Variants in VPS41 observed in about 807,000 individuals in gnomAD.
VPS41 encodes the protein vacuolar protein sorting-associated protein 41 homolog.
In VPS41, 85 loss-of-function variants were observed where a neutral mutation model predicts 130.9. The observed-to-expected ratio is 0.65, with a 90% confidence interval of 0.55 to 0.78. The LOEUF is 0.78. VPS41 is among the 30% of genes least tolerant of loss of function. The pLI, the probability that VPS41 is intolerant of heterozygous loss-of-function variation, is 0.00. For missense variants in VPS41, 874 were observed against 1,018.7 expected (o/e 0.86, Z 1.93); for synonymous variants, 335 against 332.9 (o/e 1.01, Z -0.07).
At chr7:38,884,281 G>A (rs929283641) in intron 2 of VPS41, among the ~76,000 whole-genome samples, 2 of 152,050 alleles carry the variant, frequency 1.3e-5, no homozygotes, top group African/African-American at 2.4e-5. Flanking sequence ...CCTAGAAATT[G>A]CATTTCATTT....
At chr7:38,765,545 C>G in intron 16 of VPS41, 35 bp downstream of exon 16, 1 of 1,389,008 alleles carries the variant, frequency 7.2e-7, no homozygotes, top group Non-Finnish European at 1.0e-6. Context: ...ATACTACTTG[C>G]AGAAACTGAG....
At position 38,758,164 on chromosome 7, in the gene VPS41, T is replaced by C. The variant is rs567721527; in HGVS notation, c.1550+190A>G. Among the ~76,000 whole-genome samples, 189 of 152,284 alleles carry C rather than the reference T, an allele frequency of 1.2e-3. 2 individuals carry two copies. Among genetic ancestry groups the C allele is most frequent in the Admixed American group, 2.3e-3 (35 of 15,300 alleles). On this transcript the variant is annotated intron_variant, in intron 18 of 28. Coordinates refer to ENST00000310301, the MANE Select transcript of VPS41 (RefSeq NM_014396.4). ...CTCTTCTCTGGGAAACAGATTACAT[T>C]GCAATTGTACAGTTTCACACATGTC...
At chr7:38,763,001 A>G (rs1783953774) in intron 17 of VPS41, among the ~76,000 whole-genome samples, 1 of 152,204 alleles carries the variant, frequency 6.6e-6, no homozygotes, top group African/African-American at 2.4e-5. Flanking sequence ...CTGTAACAGA[A>G]TCATAAAAAC....
At chr7:38,748,516 G>A (rs567333898) in intron 22 of VPS41, among the ~76,000 whole-genome samples, 8 of 150,604 alleles carry the variant, frequency 5.3e-5, no homozygotes, top group African/African-American at 1.7e-4. Flanking sequence ...TTATTCTTCC[G>A]AATTCAGAAA....
intron 7 of VPS41, among the ~76,000 whole-genome samples, chr7:38,797,846 C>T (rs903122540): frequency 1.3e-5 from 2 of 152,172 alleles, no homozygotes; most frequent in Non-Finnish European, 2.9e-5. Flanking sequence ...TAGACTAATA[C>T]AGGCAGAGGA....
intron 1 of VPS41, among the ~76,000 whole-genome samples, chr7:38,904,088 C>G (rs566166303): frequency 1.3e-5 from 2 of 152,066 alleles, no homozygotes; most frequent in African/African-American, 4.8e-5. Context: ...GAATCACAAG[C>G]CATTTTTAAC....
At chr7:38,849,536 C>T (rs756207844) in intron 4 of VPS41, among the ~76,000 whole-genome samples, 2 of 152,158 alleles carry the variant, frequency 1.3e-5, no homozygotes, top group East Asian at 1.9e-4. Flanking sequence ...GAAGTCTGGC[C>T]GCTCAGTAGC....
intron 7 of VPS41, among the ~76,000 whole-genome samples, chr7:38,805,014 G>T (rs1784811616): frequency 6.6e-6 from 1 of 152,214 alleles, no homozygotes; most frequent in African/African-American, 2.4e-5. Flanking sequence ...TCAGGGTAGA[G>T]ATAACAGAAA....
intron 7 of VPS41, 101 bp from the exon 8 acceptor site, chr7:38,796,965 C>T (rs1403725024): frequency 7.2e-7 from 1 of 1,386,648 alleles, no homozygotes; most frequent in African/African-American, 1.4e-5. Context: ...AAATAACAAA[C>T]AAGTCACTCT....
In VPS41 at chr7:38,896,574, A is replaced by G. The variant is rs1017105116; in HGVS notation, c.60+1517T>C. 3.9e-5 allele frequency among the ~76,000 whole-genome samples: 6 copies of G among 152,308 alleles called. No individual in the cohort carries two copies. In the South Asian group the frequency reaches 6.2e-4, roughly 16 times the overall value. ...TGCAATTTTTTTTAGCTCATCAGCTATTGTTAGTGTATTTTATGTGTGGCC... is the reference window on the plus strand; with the variant it reads ...TGCAATTTTTTTTAGCTCATCAGCTGTTGTTAGTGTATTTTATGTGTGGCC... On this transcript the variant is annotated intron_variant, in intron 2 of 28. Coordinates refer to ENST00000310301, the MANE Select transcript of VPS41 (RefSeq NM_014396.4).
At chr7:38,760,323 G>A (rs1783885111) in intron 17 of VPS41, among the ~76,000 whole-genome samples, 1 of 152,142 alleles carries the variant, frequency 6.6e-6, no homozygotes, top group Admixed American at 6.5e-5. Context: ...TAAGCCAAAG[G>A]GAAAGTTAAG....
At chr7:38,807,394 C>T (rs76103266) in intron 7 of VPS41, among the ~76,000 whole-genome samples, 3,247 of 152,188 alleles carry the variant, frequency 0.021, 46 homozygotes, top group African/African-American at 0.043. Context: ...AAAAGGAAAA[C>T]AAACAAACCA....
At chr7:38,771,296 C>T (rs1409119750) in intron 13 of VPS41, 42 bp from the exon 14 acceptor site, 1 of 1,075,238 alleles carries the variant, frequency 9.3e-7, no homozygotes. Flanking sequence ...AAAAAAAAAG[C>T]AGAAAAGGAG....
chr7:38,857,509 A>G (rs988675465), intron 4 of VPS41, among the ~76,000 whole-genome samples: 4 of 152,248 alleles, frequency 2.6e-5, no homozygotes, highest in African/African-American at 9.6e-5. Flanking sequence ...AATATTTAAC[A>G]GAGACATGGC....
At chr7:38,788,910 CAT>C (rs1199888687) in intron 10 of VPS41, among the ~76,000 whole-genome samples, 6 of 152,190 alleles carry the variant, frequency 3.9e-5, no homozygotes, top group African/African-American at 1.4e-4. Flanking sequence ...GAAATACAAT[CAT>C]GTGCAAATAA....
chr7:38,796,416 T>C lies in VPS41; in HGVS notation c.570+329A>G, dbSNP rs1179090813. ...TGTTTCATATCAACTCTTACTTGCC[T>C]TTGGCCAACAGGCAAATGATATTTT... is the stretch of plus-strand genomic sequence containing the variant. On this transcript the variant is annotated intron_variant, in intron 8 of 28. Transcript: ENST00000310301. 6 of 474,914 alleles carry C rather than the reference T, an allele frequency of 1.3e-5. No homozygotes were observed. The East Asian group carries it at 3.7e-4, about 29-fold the overall frequency. The allele number at this position is 474,914 out of a possible 1,614,324, so 29.4% of individuals were successfully genotyped here. A position where few individuals can be genotyped will look rare whatever the true frequency, so the allele number is the denominator to read the frequency against.
chr7:38,856,322 AC>A (rs944753934), intron 4 of VPS41, among the ~76,000 whole-genome samples: 1 of 151,548 alleles, frequency 6.6e-6, no homozygotes, highest in African/African-American at 2.4e-5. Context: ...AAATTTAATT[AC>A]CCCCCAAGTC....
chr7:38,882,100 C>T (rs1786621734), intron 2 of VPS41, among the ~76,000 whole-genome samples: 1 of 152,094 alleles, frequency 6.6e-6, no homozygotes, highest in Admixed American at 6.5e-5. Flanking sequence ...TCAATCTCTC[C>T]TGAGCTCCTT....
intron 4 of VPS41, among the ~76,000 whole-genome samples, chr7:38,834,738 G>A (rs565834244): frequency 1.1e-4 from 17 of 151,888 alleles, no homozygotes; most frequent in African/African-American, 3.6e-4. Context: ...GTCTGAGATC[G>A]ACATCTTTAA....
Sources: allele counts gnomAD v4.1 joint callset (sites outside exome capture counted in the v4.1 genomes callset), GRCh38; gene constraint gnomAD v4.1.1; transcripts MANE v1.5; gene names NCBI Gene and HGNC (gene_info 2026-07-23, HGNC 2026-07-21).